PTPRE: variants seen among roughly 807,000 people sequenced by gnomAD.
PTPRE encodes the protein receptor-type tyrosine-protein phosphatase epsilon.
PTPRE carries 51 observed loss-of-function variants against 102.0 expected under a neutral mutation model. The ratio of observed to expected loss-of-function variants is 0.50; its 90% confidence interval spans 0.40 to 0.63. The LOEUF is 0.63. Ranked by LOEUF, PTPRE falls within the 30% of genes least tolerant of loss-of-function variation. PTPRE has a pLI of 0.00. For synonymous variants in PTPRE, 345 were observed against 348.2 expected (o/e 0.99, Z 0.10); for missense variants, 752 against 915.1 (o/e 0.82, Z 2.30).
Position 128,069,698 on chromosome 10 carries a change from C to G in PTPRE, c.1014C>G (p.Gly338=). 1 of 1,614,192 alleles carries G rather than the reference C, an allele frequency of 6.2e-7. No individual in the cohort carries two copies. ...AGPIVVHCSA[G]VGRTGTFIVI... is the part of the protein sequence containing the mutation. ...TCTTTCTCTTTCCCCAAAGCGCGGG[C>G]GTGGGCCGGACGGGCACCTTCATTG... The change falls in exon 13 of 21, where the codon GGC becomes GGG. Residue 338 remains glycine (G), a synonymous_variant. Coordinates refer to ENST00000254667, the MANE Select transcript of PTPRE (RefSeq NM_006504.6).
rs61750040 is a variant in PTPRE, at chr10:128,085,474, C to T, written c.*2568C>T. Reference sequence around the variant, plus strand: ...TCTGGTCACTATGTGACTGCCTTTACGGTTTCTCTCCATGTGCTATATGAA... The same window carrying T: ...TCTGGTCACTATGTGACTGCCTTTATGGTTTCTCTCCATGTGCTATATGAA... On this transcript the variant is annotated 3_prime_UTR_variant, in exon 21 of 21. Coordinates refer to ENST00000254667, the MANE Select transcript of PTPRE (RefSeq NM_006504.6). 6.2e-3 allele frequency: 973 copies of T among 156,168 alleles called. 11 individuals carry two copies. The highest frequency in any genetic ancestry group is 0.022 in the African/African-American group (919 of 41,766). 9.7% of individuals were successfully genotyped at this position (156,168 alleles called of 1,614,324 possible). A position where few individuals can be genotyped will look rare whatever the true frequency, so the allele number is the denominator to read the frequency against.
At chr10:128,041,706 G>A (rs1414568996) in intron 3 of PTPRE, among the ~76,000 whole-genome samples, 3 of 150,356 alleles carry the variant, frequency 2.0e-5, no homozygotes, top group Non-Finnish European at 4.4e-5. Context: ...AGATATTGGC[G>A]TCATGGTTAG....
rs180790187 is a variant in PTPRE at position 128,063,379 on chromosome 10, T to C, written c.723+199T>C. 3.9e-5 allele frequency among the ~76,000 whole-genome samples: 6 copies of C among 152,376 alleles called. No homozygotes were observed. In the East Asian group the frequency reaches 9.6e-4, roughly 24 times the overall value. ...CTGTGTCCCCAGCATCTCACTGTTATCTAATCTGTGATAACACAATGACAC... is the reference window on the plus strand; with the variant it reads ...CTGTGTCCCCAGCATCTCACTGTTACCTAATCTGTGATAACACAATGACAC... On this transcript the variant is annotated intron_variant, in intron 10 of 20. Transcript: ENST00000254667.
At chr10:128,041,133 T>TA (rs1847657607) in intron 3 of PTPRE, 143 bp downstream of exon 3, 1 of 726,118 alleles carries the variant, frequency 1.4e-6, no homozygotes, top group Non-Finnish European at 2.3e-6. Context: ...TTTGTGCCTC[T>TA]AAAAACAGGC....
intron 1 of PTPRE, among the ~76,000 whole-genome samples, chr10:127,962,897 C>A (rs1201006552): frequency 6.6e-6 from 1 of 152,232 alleles, no homozygotes; most frequent in Non-Finnish European, 1.5e-5. Context: ...AAGGATCTTG[C>A]ATCCCAGGAA....
intron 1 of PTPRE, among the ~76,000 whole-genome samples, chr10:127,915,198 G>A (rs1846123693): frequency 1.3e-5 from 2 of 152,144 alleles, no homozygotes; most frequent in Non-Finnish European, 2.9e-5. Flanking sequence ...GTTGCACTAG[G>A]AAGTCTACTT....
At position 127,917,309 on chromosome 10, in the gene PTPRE, C is replaced by T. The variant is rs547514114; in HGVS notation, c.-31+10000C>T. On this transcript the variant is annotated intron_variant, in intron 1 of 20. Transcript: ENST00000254667. ...CAGGGAGGGTCTGTCCAAAGGGAAG[C>T]GAAGAGAGTTTTTCAGCATGAAACT... 5.3e-5 allele frequency among the ~76,000 whole-genome samples: 8 copies of T among 151,968 alleles called. No homozygotes were observed. The South Asian group carries it at 6.2e-4, about 12-fold the overall frequency.
intron 1 of PTPRE, among the ~76,000 whole-genome samples, chr10:127,957,600 A>C (rs1207341172): frequency 6.6e-6 from 1 of 152,202 alleles, no homozygotes; most frequent in East Asian, 1.9e-4. Flanking sequence ...ATTTTACTGA[A>C]GCTTTATAGT....
chr10:127,919,392 G>A (rs2135170839), intron 1 of PTPRE, among the ~76,000 whole-genome samples: 1 of 152,342 alleles, frequency 6.6e-6, no homozygotes, highest in East Asian at 1.9e-4. Context: ...TTTAGAGCCA[G>A]AGCTGGAGGC....
intron 2 of PTPRE, among the ~76,000 whole-genome samples, chr10:128,010,411 G>A (rs1464044728): frequency 6.6e-6 from 1 of 152,052 alleles, no homozygotes; most frequent in African/African-American, 2.4e-5. Context: ...CCTTTGCCGG[G>A]GCACAGATCC....
intron 7 of PTPRE, among the ~76,000 whole-genome samples, chr10:128,059,345 C>T (rs879074527): frequency 2.6e-5 from 4 of 152,220 alleles, no homozygotes; most frequent in Admixed American, 6.5e-5. Flanking sequence ...GAGCTATACC[C>T]GCCCTTTCTC....
chr10:127,908,280 C>T (rs973498690), intron 1 of PTPRE, among the ~76,000 whole-genome samples: 3 of 152,120 alleles, frequency 2.0e-5, no homozygotes, highest in African/African-American at 7.2e-5. Flanking sequence ...AGAGTGATCA[C>T]GTGATACAGA....
intron 20 of PTPRE, among the ~76,000 whole-genome samples, chr10:128,081,558 C>G (rs1472792094): frequency 6.6e-6 from 1 of 152,216 alleles, no homozygotes; most frequent in African/African-American, 2.4e-5. Flanking sequence ...CAGACTGAGC[C>G]AGCTTTGATA....
chr10:128,037,957 ATTTTTTTTTTTT>A, intron 2 of PTPRE, among the ~76,000 whole-genome samples: 1 of 115,946 alleles, frequency 8.6e-6, no homozygotes, highest in East Asian at 2.5e-4. Flanking sequence ...TGTCCGGCTA[ATTTTTTTTTTTT>A]TTTTTTTTTT....
At chr10:128,005,123 A>G (rs1449300368) in intron 2 of PTPRE, among the ~76,000 whole-genome samples, 1 of 152,206 alleles carries the variant, frequency 6.6e-6, no homozygotes, top group Non-Finnish European at 1.5e-5. Flanking sequence ...TACTTTATGC[A>G]TTCTGGCTAC....
At chr10:127,969,787 C>T (rs896677143) in intron 1 of PTPRE, among the ~76,000 whole-genome samples, 2 of 152,046 alleles carry the variant, frequency 1.3e-5, no homozygotes, top group African/African-American at 4.8e-5. Flanking sequence ...CAAAATTATA[C>T]ATCTGGAGAA....
intron 2 of PTPRE, among the ~76,000 whole-genome samples, chr10:128,020,861 G>A (rs144909576): frequency 1.3e-5 from 2 of 152,092 alleles, no homozygotes; most frequent in Non-Finnish European, 2.9e-5. Flanking sequence ...GGGTGGTTCA[G>A]CCATAGCTCA....
chr10:128,066,982 CCACACACAGG>C (rs1186974213), intron 11 of PTPRE, among the ~76,000 whole-genome samples: 2 of 133,766 alleles, frequency 1.5e-5, no homozygotes, highest in South Asian at 2.5e-4. Flanking sequence ...GCACACACAC[CCACACACAGG>C]CACACACACG....
At chr10:127,969,690 G>GC (rs1293496801) in intron 1 of PTPRE, among the ~76,000 whole-genome samples, 7 of 89,128 alleles carry the variant, frequency 7.9e-5, no homozygotes, top group Middle Eastern at 5.1e-3. Flanking sequence ...AAAGGGGGGC[G>GC]GGGGGATGAT....
Sources: allele counts gnomAD v4.1 joint callset (sites outside exome capture counted in the v4.1 genomes callset), GRCh38; gene constraint gnomAD v4.1.1; transcripts MANE v1.5; gene names NCBI Gene and HGNC (gene_info 2026-07-23, HGNC 2026-07-21).